Variants in DPP10 observed in about 807,000 individuals in gnomAD.
DPP10 encodes the protein dipeptidyl peptidase like 10.
In DPP10, 33 loss-of-function variants were observed where a neutral mutation model predicts 120.9. The observed-to-expected ratio is 0.27, with a 90% confidence interval of 0.21 to 0.37. DPP10 has a LOEUF of 0.37. Among genes scored for constraint, DPP10 ranks in the 10% least tolerant of loss-of-function variants. The pLI is 1.00. For synonymous variants in DPP10, 337 were observed against 326.1 expected (o/e 1.03, Z -0.36); for missense variants, 816 against 942.8 (o/e 0.87, Z 1.76).
intron 1 of DPP10, among the ~76,000 whole-genome samples, chr2:114,556,935 A>C (rs1688360532): frequency 6.6e-6 from 1 of 152,066 alleles, no homozygotes; most frequent in Non-Finnish European, 1.5e-5. Flanking sequence ...GAGGACCAAA[A>C]CCAACTGGAG....
rs67359999 is a variant in DPP10, at chr2:115,617,289, T to TATATATATATATATATATATAC, written c.442-72397_442-72396insTATATATATATATATATATACA. Among the ~76,000 whole-genome samples the TATATATATATATATATATATAC allele has an allele frequency of 1.2e-4, 17 of 136,528 alleles. No homozygotes were observed. The East Asian group carries it at 1.3e-3, about 10-fold the overall frequency. The allele number at this position is 136,528 out of a possible 152,430, so 89.6% of individuals were successfully genotyped here. ...TATATTTTTTATATATATATATATA[T>TATATATATATATATATATATAC]ACACACATAGCATATATGTATATGC... On this transcript the variant is annotated intron_variant, in intron 5 of 25. Transcript: ENST00000410059.
chr2:115,277,926 A>G (rs2059986513), intron 1 of DPP10, among the ~76,000 whole-genome samples: 1 of 152,206 alleles, frequency 6.6e-6, no homozygotes, highest in Non-Finnish European at 1.5e-5. Context: ...CAGACATGCA[A>G]GATGATGTTG....
chr2:115,636,608 G>A (rs2086353730), intron 5 of DPP10, among the ~76,000 whole-genome samples: 1 of 151,284 alleles, frequency 6.6e-6, no homozygotes, highest in African/African-American at 2.5e-5. Flanking sequence ...AAGAGAGAGA[G>A]TGAGAGAAGG....
At chr2:115,572,142 TA>T (rs955829839) in intron 5 of DPP10, among the ~76,000 whole-genome samples, 6 of 151,538 alleles carry the variant, frequency 4.0e-5, no homozygotes, top group African/African-American at 1.2e-4. Flanking sequence ...TTATCAAGAT[TA>T]AAAAAAACTT....
intron 1 of DPP10, among the ~76,000 whole-genome samples, chr2:114,582,112 A>C (rs1461783737): frequency 6.6e-6 from 1 of 152,144 alleles, no homozygotes; most frequent in African/African-American, 2.4e-5. Flanking sequence ...CACTCTGCCT[A>C]TTTATCCCTC....
At position 115,138,485 on chromosome 2, in the gene DPP10, C is replaced by A. The variant is rs561537373; in HGVS notation, c.61-170754C>A. On this transcript the variant is annotated intron_variant, in intron 1 of 25. Transcript: ENST00000410059. Reference sequence around the variant, plus strand: ...GCACAGGCATTTGATAAGAATAGTTCTTTTTTCTTTTAGAACACATTTACA... The same window carrying A: ...GCACAGGCATTTGATAAGAATAGTTATTTTTTCTTTTAGAACACATTTACA... 9.2e-5 allele frequency among the ~76,000 whole-genome samples: 14 copies of A among 152,128 alleles called. No individual in the cohort carries two copies. The South Asian group carries it at 2.7e-3, about 29-fold the overall frequency.
intron 5 of DPP10, among the ~76,000 whole-genome samples, chr2:115,626,533 A>G (rs772782497): frequency 6.6e-6 from 1 of 152,088 alleles, no homozygotes; most frequent in African/African-American, 2.4e-5. Context: ...AACTGCAAAA[A>G]TATCATTAGC....
intron 1 of DPP10, among the ~76,000 whole-genome samples, chr2:114,656,227 T>C (rs1326551945): frequency 2.6e-5 from 4 of 152,268 alleles, no homozygotes; most frequent in Admixed American, 6.5e-5. Flanking sequence ...AGATTCGGTT[T>C]GGGGTCTTAG....
chr2:115,383,796 G>T (rs931798507), intron 3 of DPP10, among the ~76,000 whole-genome samples: 1 of 152,092 alleles, frequency 6.6e-6, no homozygotes, highest in Non-Finnish European at 1.5e-5. Flanking sequence ...TAATAAAATA[G>T]ATTACTCTTT....
intron 7 of DPP10, among the ~76,000 whole-genome samples, chr2:115,702,194 T>G (rs1049480501): frequency 6.6e-6 from 1 of 151,966 alleles, no homozygotes; most frequent in African/African-American, 2.4e-5. Context: ...AAGGTCAAGT[T>G]TGTAGAACTT....
chr2:114,773,286 T>C (rs13423634), intron 1 of DPP10, among the ~76,000 whole-genome samples: 5,362 of 151,802 alleles, frequency 0.035, 288 homozygotes, highest in African/African-American at 0.11. Flanking sequence ...ATCTTAATTG[T>C]TATGGTAGTT....
intron 1 of DPP10, among the ~76,000 whole-genome samples, chr2:114,957,051 A>G (rs2104687274): frequency 6.6e-6 from 1 of 151,808 alleles, no homozygotes; most frequent in South Asian, 2.1e-4. Flanking sequence ...GGATATTAGC[A>G]AAAAAACACA....
intron 5 of DPP10, among the ~76,000 whole-genome samples, chr2:115,612,829 C>T (rs2084213255): frequency 2.0e-5 from 3 of 150,880 alleles, no homozygotes; most frequent in Admixed American, 6.6e-5. Flanking sequence ...TATTTAGCTC[C>T]GTTAGATGCA....
At chr2:114,499,470 C>T (rs1369173374) in intron 1 of DPP10, among the ~76,000 whole-genome samples, 2 of 152,176 alleles carry the variant, frequency 1.3e-5, no homozygotes, top group African/African-American at 4.8e-5. Flanking sequence ...ATAGTACACT[C>T]CATTATATTT....
In DPP10 at chr2:115,355,552, T is replaced by G. The variant is rs192976569; in HGVS notation, c.271+11640T>G. On this transcript the variant is annotated intron_variant, in intron 3 of 25. Transcript: ENST00000410059. ...GTTTCTTTTGCTGTGCAGATTCTCT[T>G]TAGTTCAATTAGATCCCATTTGTCA... 7.2e-4 allele frequency among the ~76,000 whole-genome samples: 110 copies of G among 152,350 alleles called. 1 individual carries two copies. Among genetic ancestry groups the G allele is most frequent in the African/African-American group, 2.6e-3 (108 of 41,594 alleles).
chr2:115,161,852 G>T, intron 1 of DPP10: 1 of 784,284 alleles, frequency 1.3e-6, no homozygotes. Flanking sequence ...CCCTTCCGCC[G>T]ATTCCGGGAG....
At chr2:115,063,559 A>G (rs1472177483) in intron 1 of DPP10, among the ~76,000 whole-genome samples, 1 of 152,202 alleles carries the variant, frequency 6.6e-6, no homozygotes, top group South Asian at 2.1e-4. Flanking sequence ...GTACTGGTAC[A>G]AAAACAGACA....
At chr2:114,889,907 GT>G (rs1052932911) in intron 1 of DPP10, among the ~76,000 whole-genome samples, 21 of 152,286 alleles carry the variant, frequency 1.4e-4, no homozygotes, top group African/African-American at 5.1e-4. Flanking sequence ...CTGTTGAGAT[GT>G]TCTTAAAGTC....
chr2:114,849,742 G>A (rs1043708096), intron 1 of DPP10, among the ~76,000 whole-genome samples: 1 of 152,050 alleles, frequency 6.6e-6, no homozygotes, highest in African/African-American at 2.4e-5. Context: ...CAAAACACAG[G>A]TAAATACTAT....
Sources: gnomAD v4.1 joint callset for allele counts (sites outside exome capture counted in the v4.1 genomes callset) on GRCh38, gnomAD v4.1.1 for gene constraint, MANE v1.5 for transcripts, NCBI Gene and HGNC (gene_info 2026-07-23, HGNC 2026-07-21) for gene names.